The following SNRNP40 variants were observed in gnomAD, a reference collection of about 807,000 sequenced individuals.
SNRNP40 encodes the protein U5 small nuclear ribonucleoprotein 40 kDa protein.
In SNRNP40, 21 loss-of-function variants were observed where a neutral mutation model predicts 45.8. The ratio of observed to expected loss-of-function variants is 0.46; its 90% CI spans 0.32 to 0.66. The LOEUF (loss-of-function observed/expected upper bound fraction) is 0.66. Ranked by LOEUF, SNRNP40 falls within the 30% of genes least tolerant of loss-of-function variation. The pLI, the probability that SNRNP40 is intolerant of heterozygous loss-of-function variation, is 0.03. For synonymous variants in SNRNP40, 142 were observed against 163.8 expected, an observed-to-expected ratio of 0.87 and a Z score of 1.01; for missense variants, 344 against 439.1, an observed-to-expected ratio of 0.78 and a Z score of 1.94.
intron 5 of SNRNP40, among the ~76,000 whole-genome samples, chr1:31,279,256 C>T (rs1276529183): frequency 6.6e-6 from 1 of 152,172 alleles, no homozygotes; most frequent in African/African-American, 2.4e-5. Flanking sequence ...GCTCAGTTTC[C>T]TCATCTGTAC....
chr1:31,293,473 A>G (rs1307528162), intron 1 of SNRNP40, 125 bp from the exon 2 acceptor site: 1 of 934,364 alleles, frequency 1.1e-6, no homozygotes, highest in East Asian at 2.7e-5. Flanking sequence ...TCTGACTTAC[A>G]GAATGGTAGC....
At chr1:31,263,581 C>A in intron 8 of SNRNP40, 1 of 457,148 alleles carries the variant, frequency 2.2e-6, no homozygotes, top group South Asian at 1.6e-5. Flanking sequence ...TGAAGTAAAA[C>A]TTGAAGGGCA....
At position 31,275,384 on chromosome 1, in the gene SNRNP40, G is replaced by GT. The variant is rs532146617; in HGVS notation, c.655-3886dup. On this transcript the variant is annotated intron_variant, in intron 5 of 9. Transcript: ENST00000263694. ...AGAGCAATTACTCTCCCCTCTGCAT[G>GT]TAACAACAGGGTATTTTTTTTTCTA... 3.9e-5 allele frequency among the ~76,000 whole-genome samples: 6 copies of GT among 152,086 alleles called. No individual in the cohort carries two copies. In the South Asian group the frequency reaches 6.2e-4, roughly 16 times the overall value.
Position 31,274,840 on chromosome 1 carries a change from C to T in SNRNP40, c.655-3341G>A, listed in dbSNP as rs547439296. Among the ~76,000 whole-genome samples, 18 of 152,226 alleles carry T rather than the reference C, an allele frequency of 1.2e-4. No individual in the cohort carries two copies. In the South Asian group the frequency reaches 3.7e-3, roughly 32 times the overall value. ...AGATTGGTGGGAACAGCATTATCTG[C>T]TCACAAATATACACAGAATTTGTTT... On this transcript the variant is annotated intron_variant, in intron 5 of 9. Coordinates refer to ENST00000263694, the MANE Select transcript of SNRNP40 (RefSeq NM_004814.3).
At chr1:31,287,822 C>A (rs1007926457) in intron 4 of SNRNP40, among the ~76,000 whole-genome samples, 5 of 152,114 alleles carry the variant, frequency 3.3e-5, no homozygotes, top group African/African-American at 1.2e-4. Context: ...ATATGATGAA[C>A]CCCTGCCTCT....
chr1:31,282,470 T>TAG (rs1646023397), intron 4 of SNRNP40: 1 of 46,678 alleles, frequency 2.1e-5, no homozygotes, highest in Non-Finnish European at 4.2e-5. Flanking sequence ...TTCCTGGCTA[T>TAG]CTATCTATCT....
intron 1 of SNRNP40, among the ~76,000 whole-genome samples, chr1:31,295,636 T>A (rs965974229): frequency 1.2e-4 from 19 of 152,186 alleles, no homozygotes; most frequent in Non-Finnish European, 2.5e-4. Flanking sequence ...ATTACAAGAA[T>A]TTTGGTTTTT....
chr1:31,261,079 A>G (rs12121460), intron 9 of SNRNP40: 970,996 of 1,246,280 alleles, frequency 0.78, 381,398 homozygotes, highest in African/African-American at 0.81. Context: ...AGTGGCTCAC[A>G]CCTGTAATCC....
At chr1:31,267,486 T>C (rs1055301542) in intron 8 of SNRNP40, among the ~76,000 whole-genome samples, 8 of 152,148 alleles carry the variant, frequency 5.3e-5, no homozygotes, top group African/African-American at 1.4e-4. Flanking sequence ...TAGCTCCATA[T>C]CCACGCTTTA....
At chr1:31,291,277 A>T (rs1359318127) in intron 3 of SNRNP40, among the ~76,000 whole-genome samples, 1 of 100,238 alleles carries the variant, frequency 1.0e-5, no homozygotes. Flanking sequence ...AACAAGAGTG[A>T]AATTCCGTCT....
In SNRNP40 at chr1:31,261,577, G is replaced by A. The variant is rs750279667; in HGVS notation, c.976C>T (p.His326Tyr). ...SRRILYKLPGHAGSINEVAFH... is the reference protein window; with the variant it reads ...SRRILYKLPGYAGSINEVAFH... ...GCCACTTCATTGATGGAGCCAGCAT[G>A]GCCGGGCAGCTTATACAATATTCTC... Residue 326 changes from histidine to tyrosine, a missense_variant, in exon 9 of 10, where the codon CAT becomes TAT. Around this residue, in one of 2 missense-constraint regions of SNRNP40, gnomAD observed 254 missense variants for 380.2 expected, o/e 0.67. Coordinates refer to ENST00000263694, the MANE Select transcript of SNRNP40 (RefSeq NM_004814.3). 1 of 1,614,112 alleles carries A rather than the reference G, an allele frequency of 6.2e-7. No homozygotes were observed. The highest frequency in any genetic ancestry group is 8.5e-7 in the Non-Finnish European group (1 of 1,179,980).
intron 1 of SNRNP40, among the ~76,000 whole-genome samples, chr1:31,293,626 G>A (rs34233685): frequency 6.6e-6 from 1 of 152,120 alleles, no homozygotes; most frequent in Non-Finnish European, 1.5e-5. Flanking sequence ...CTGTCACCTA[G>A]GCTGGACTGC....
At chr1:31,270,852 C>T (rs767322821) in intron 6 of SNRNP40, among the ~76,000 whole-genome samples, 1 of 152,114 alleles carries the variant, frequency 6.6e-6, no homozygotes, top group Non-Finnish European at 1.5e-5. Flanking sequence ...TGTAGTAACC[C>T]ATCCTCCCAC....
chr1:31,281,045 T>A (rs1180792665), intron 5 of SNRNP40, among the ~76,000 whole-genome samples: 3 of 152,182 alleles, frequency 2.0e-5, no homozygotes, highest in African/African-American at 7.2e-5. Flanking sequence ...ACAAACTGAT[T>A]CACTGCTCTC....
chr1:31,295,392 G>GT (rs1345861572), intron 1 of SNRNP40, among the ~76,000 whole-genome samples: 1 of 152,162 alleles, frequency 6.6e-6, no homozygotes, highest in Non-Finnish European at 1.5e-5. Context: ...TCCACAGTAT[G>GT]TGGTACTGCA....
At chr1:31,294,185 T>C (rs1419902803) in intron 1 of SNRNP40, among the ~76,000 whole-genome samples, 1 of 152,124 alleles carries the variant, frequency 6.6e-6, no homozygotes, top group Admixed American at 6.5e-5. Flanking sequence ...CTCAAACTCC[T>C]GGCCTCATGT....
intron 5 of SNRNP40, among the ~76,000 whole-genome samples, chr1:31,280,347 AGAGACGAGG>A (rs1388923852): frequency 6.6e-6 from 1 of 151,714 alleles, no homozygotes; most frequent in African/African-American, 2.4e-5. Context: ...TATTTTCAGT[AGAGACGAGG>A]TTTCACCACA....
chr1:31,267,677 A>G (rs1033772944), intron 8 of SNRNP40, among the ~76,000 whole-genome samples, 194 bp downstream of exon 8: 2 of 152,122 alleles, frequency 1.3e-5, no homozygotes, highest in African/African-American at 4.8e-5. Context: ...CTGGGATTAC[A>G]GGCATGTGCC....
chr1:31,274,787 A>G (rs1442900606), intron 5 of SNRNP40, among the ~76,000 whole-genome samples: 1 of 152,080 alleles, frequency 6.6e-6, no homozygotes, highest in East Asian at 1.9e-4. Context: ...TGACTCCCCA[A>G]TCCTATTACC....
Sources: allele counts gnomAD v4.1 joint callset (sites outside exome capture counted in the v4.1 genomes callset), GRCh38; gene constraint gnomAD v4.1.1; regional missense constraint gnomAD v4.1.1; transcripts MANE v1.5; gene names NCBI Gene and HGNC (gene_info 2026-07-23, HGNC 2026-07-21).